Variants in TMEM132D observed in about 807,000 individuals in gnomAD.
TMEM132D encodes the protein transmembrane protein 132D.
In TMEM132D, 21 loss-of-function variants were observed where a neutral mutation model predicts 62.3. The ratio of observed to expected loss-of-function variants is 0.34; its 90% CI spans 0.24 to 0.49. The LOEUF is 0.49. Ranked by LOEUF, TMEM132D falls within the 20% of genes least tolerant of loss-of-function variation. TMEM132D has a pLI of 0.99. For missense variants in TMEM132D, 1,346 were observed against 1,402.8 expected (o/e 0.96, Z 0.65); for synonymous variants, 621 against 575.6 (o/e 1.08, Z -1.13).
intron 1 of TMEM132D, among the ~76,000 whole-genome samples, chr12:129,810,633 C>T (rs113190309): frequency 0.04 from 6,016 of 152,038 alleles, 159 homozygotes; most frequent in Non-Finnish European, 0.06. Flanking sequence ...CCCCAAAATA[C>T]CAGTGCAAAG....
At chr12:129,599,261 G>A (rs1345269311) in intron 2 of TMEM132D, among the ~76,000 whole-genome samples, 1 of 152,204 alleles carries the variant, frequency 6.6e-6, no homozygotes, top group East Asian at 1.9e-4. Flanking sequence ...CCCAGTTTGA[G>A]TAGGGTTTCT....
At chr12:129,211,792 G>T (rs1274898100) in intron 4 of TMEM132D, among the ~76,000 whole-genome samples, 1 of 152,046 alleles carries the variant, frequency 6.6e-6, no homozygotes, top group Admixed American at 6.5e-5. Context: ...CTCCTCTGTG[G>T]GTTCCCAGCC....
intron 2 of TMEM132D, among the ~76,000 whole-genome samples, chr12:129,656,700 A>T (rs1012578006): frequency 6.6e-6 from 1 of 152,246 alleles, no homozygotes; most frequent in Non-Finnish European, 1.5e-5. Flanking sequence ...GGTATTGAAC[A>T]ATAATTATCA....
chr12:129,711,940 A>G (rs1868383945), intron 1 of TMEM132D, among the ~76,000 whole-genome samples: 2 of 151,792 alleles, frequency 1.3e-5, no homozygotes, highest in Middle Eastern at 3.2e-3. Context: ...AAGTGAGAGA[A>G]GTCGAGGGCT....
intron 3 of TMEM132D, among the ~76,000 whole-genome samples, chr12:129,526,838 T>C (rs1397941174): frequency 6.6e-6 from 1 of 152,158 alleles, no homozygotes; most frequent in Non-Finnish European, 1.5e-5. Flanking sequence ...CCTGAAGCAG[T>C]CTTGATCTAT....
At chr12:129,523,119 C>T (rs1304512592) in intron 3 of TMEM132D, among the ~76,000 whole-genome samples, 1 of 152,152 alleles carries the variant, frequency 6.6e-6, no homozygotes, top group African/African-American at 2.4e-5. Flanking sequence ...CGTGCACACA[C>T]ACACACACAG....
At chr12:129,398,136 C>A (rs1871487994) in intron 3 of TMEM132D, among the ~76,000 whole-genome samples, 1 of 152,198 alleles carries the variant, frequency 6.6e-6, no homozygotes, top group Admixed American at 6.5e-5. Flanking sequence ...AAACTCTGCC[C>A]ACCTCTGACA....
intron 5 of TMEM132D, among the ~76,000 whole-genome samples, chr12:129,197,743 G>T (rs1878588125): frequency 6.6e-6 from 1 of 152,142 alleles, no homozygotes. Context: ...TAATTTCCTG[G>T]ACTTGACCTT....
At chr12:129,793,560 G>C (rs1262607842) in intron 1 of TMEM132D, among the ~76,000 whole-genome samples, 2 of 152,128 alleles carry the variant, frequency 1.3e-5, no homozygotes, top group Non-Finnish European at 2.9e-5. Context: ...TTTTTGTAGA[G>C]ATGAGGTTTT....
rs75620926 is a variant in TMEM132D at position 129,676,442 on chromosome 12, T to C, written c.968+23368A>G. On this transcript the variant is annotated intron_variant, in intron 2 of 8. Transcript: ENST00000422113. Reference sequence around the variant, plus strand: ...AAGGAATACCTGACACTGGGTAGTTTATAAAGACGATAGGTTTATTTGGCT... The same window carrying C: ...AAGGAATACCTGACACTGGGTAGTTCATAAAGACGATAGGTTTATTTGGCT... 7.4e-3 allele frequency among the ~76,000 whole-genome samples: 1,128 copies of C among 152,326 alleles called. 10 individuals are homozygous for C. Among genetic ancestry groups the C allele is most frequent in the African/African-American group, 0.026 (1,079 of 41,572 alleles).
At chr12:129,765,689 T>C (rs75597762) in intron 1 of TMEM132D, among the ~76,000 whole-genome samples, 6 of 152,356 alleles carry the variant, frequency 3.9e-5, no homozygotes, top group African/African-American at 1.2e-4. Flanking sequence ...GCTTCCTTTT[T>C]ACATGTGTTT....
chr12:129,859,367 A>G (rs1873817932), intron 1 of TMEM132D, among the ~76,000 whole-genome samples: 1 of 152,236 alleles, frequency 6.6e-6, no homozygotes, highest in Admixed American at 6.5e-5. Context: ...TTTTGCACCA[A>G]CATACTCGGC....
intron 3 of TMEM132D, among the ~76,000 whole-genome samples, chr12:129,350,490 C>T (rs922657000): frequency 6.6e-6 from 1 of 152,150 alleles, no homozygotes; most frequent in Non-Finnish European, 1.5e-5. Context: ...CGTTTATTCC[C>T]GTGAGCCAAT....
chr12:129,523,764 G>T (rs1875926591), intron 3 of TMEM132D, among the ~76,000 whole-genome samples: 1 of 152,166 alleles, frequency 6.6e-6, no homozygotes, highest in South Asian at 2.1e-4. Flanking sequence ...GTCAGGAAAT[G>T]GTGAGTGAGT....
chr12:129,700,695 G>A lies in TMEM132D; in HGVS notation c.83C>T (p.Thr28Met), dbSNP rs2137228094. The change falls in exon 2 of 9, where the codon ACG becomes ATG. Residue 28 changes from threonine (T) to methionine (M), a missense_variant. By Grantham distance (81) the Thr-to-Met change is moderately conservative. Transcript: ENST00000422113. ...ISLAALFSKV[T>M]EGRGILESIQ... is the part of the protein sequence containing the mutation. Reference sequence around the variant, plus strand: ...GCTCTCAAGGATCCCTCGACCTTCCGTCACTGTGGGGAGGGAATCGCAGTG... The same window carrying A: ...GCTCTCAAGGATCCCTCGACCTTCCATCACTGTGGGGAGGGAATCGCAGTG... 1.9e-6 allele frequency: 3 copies of A among 1,605,058 alleles called. No homozygotes were observed. The highest frequency in any genetic ancestry group is 1.7e-4 in the Middle Eastern group (1 of 6,018).
At chr12:129,100,071 C>T (rs1012839138) in intron 5 of TMEM132D, among the ~76,000 whole-genome samples, 20 of 151,682 alleles carry the variant, frequency 1.3e-4, no homozygotes, top group African/African-American at 4.8e-4. Flanking sequence ...GACAGAGTCT[C>T]GCTCTGTCAC....
chr12:129,074,244 G>C lies in TMEM132D; in HGVS notation c.2931C>G (p.His977Gln), dbSNP rs1874171861. ...CATCTTGCGAGGAGGCAAAGTTGAT[G>C]TGATTCTCCAACAGCTCTGTCCGGT... ...LSNRTELLEN[H>Q]INFASSQDEQ... Residue 977 changes from histidine (H) to glutamine (Q), a missense_variant, in exon 9 of 9, where the codon CAC (histidine) becomes CAG (glutamine). His to Gln is a conservative substitution (Grantham distance 24, BLOSUM62 0). Transcript: ENST00000422113. 1 of 1,614,138 alleles carries C rather than the reference G, an allele frequency of 6.2e-7. No individual in the cohort carries two copies. The highest frequency in any genetic ancestry group is 1.3e-5 in the African/African-American group (1 of 75,036).
At chr12:129,535,363 C>T (rs746687228) in intron 2 of TMEM132D, among the ~76,000 whole-genome samples, 2 of 152,156 alleles carry the variant, frequency 1.3e-5, no homozygotes, top group African/African-American at 4.8e-5. Context: ...CAGCCGTATC[C>T]CCACTGTGAC....
intron 2 of TMEM132D, among the ~76,000 whole-genome samples, chr12:129,617,044 A>G (rs12821109): frequency 0.37 from 55,937 of 152,016 alleles, 10,987 homozygotes; most frequent in Middle Eastern, 0.49. Flanking sequence ...AGCAGGGCTG[A>G]AGGCCAGGCA....
Sources: gnomAD v4.1 joint callset for allele counts (sites outside exome capture counted in the v4.1 genomes callset) on GRCh38, gnomAD v4.1.1 for gene constraint, MANE v1.5 for transcripts, NCBI Gene and HGNC (gene_info 2026-07-23, HGNC 2026-07-21) for gene names.